CFAP61: variants seen among roughly 807,000 people sequenced by gnomAD.
CFAP61 encodes the protein cilia- and flagella-associated protein 61.
CFAP61 carries 107 observed loss-of-function variants against 135.6 expected under a neutral mutation model. The observed-to-expected ratio is 0.79, with a 90% CI of 0.67 to 0.93. CFAP61 has a LOEUF of 0.93. CFAP61 is among the 40% of genes least tolerant of loss of function. CFAP61 has a pLI of 0.00. For missense variants in CFAP61, 1,507 were observed against 1,556.2 expected (o/e 0.97, Z 0.53); for synonymous variants, 575 against 578.5 (o/e 0.99, Z 0.09).
intron 2 of CFAP61, among the ~76,000 whole-genome samples, chr20:20,059,264 G>T (rs2044611215): frequency 7.7e-6 from 1 of 129,436 alleles, no homozygotes; most frequent in African/African-American, 2.8e-5. Flanking sequence ...GGAGGCGGAG[G>T]TTGCAATGAG....
chr20:20,311,700 G>C (rs537114426), intron 25 of CFAP61, among the ~76,000 whole-genome samples: 1 of 152,176 alleles, frequency 6.6e-6, no homozygotes, highest in South Asian at 2.1e-4. Flanking sequence ...TGCACAGAGA[G>C]AGAAGCTTGG....
At chr20:20,323,167 GC>G in intron 25 of CFAP61, 3 of 985,430 alleles carry the variant, frequency 3.0e-6, no homozygotes, top group Non-Finnish European at 3.6e-6. Flanking sequence ...TCTAGTTTGA[GC>G]CAGTATACCT....
chr20:20,204,458 C>G (rs554913396), intron 17 of CFAP61, among the ~76,000 whole-genome samples: 1 of 152,152 alleles, frequency 6.6e-6, no homozygotes, highest in Non-Finnish European at 1.5e-5. Flanking sequence ...ATTCAGTTAC[C>G]CTTTGAATTG....
chr20:20,070,224 C>G (rs1389883622), intron 2 of CFAP61, among the ~76,000 whole-genome samples: 1 of 152,204 alleles, frequency 6.6e-6, no homozygotes, highest in Non-Finnish European at 1.5e-5. Flanking sequence ...AGCAAGACCC[C>G]TGGGAGTCCC....
intron 8 of CFAP61, among the ~76,000 whole-genome samples, chr20:20,121,080 T>A (rs1239032697): frequency 1.3e-5 from 2 of 151,648 alleles, no homozygotes; most frequent in African/African-American, 4.8e-5. Flanking sequence ...ATCTATTCAT[T>A]TGCTCTATGT....
chr20:20,305,218 A>T (rs2056399612), intron 25 of CFAP61, among the ~76,000 whole-genome samples: 1 of 152,064 alleles, frequency 6.6e-6, no homozygotes, highest in South Asian at 2.1e-4. Context: ...AGCCCTTTAC[A>T]AGGCTGCCAT....
intron 26 of CFAP61, among the ~76,000 whole-genome samples, chr20:20,352,100 C>T (rs548378304): frequency 3.9e-5 from 6 of 152,314 alleles, no homozygotes; most frequent in African/African-American, 1.2e-4. Context: ...GTTTAATTGA[C>T]TCACAGTTCC....
At chr20:20,333,341 A>T (rs2058066541) in intron 25 of CFAP61, among the ~76,000 whole-genome samples, 1 of 152,198 alleles carries the variant, frequency 6.6e-6, no homozygotes, top group East Asian at 1.9e-4. Flanking sequence ...TACAGCTAAG[A>T]AGACTGAGAC....
At chr20:20,323,165 G>A (rs943349575) in intron 25 of CFAP61, 1 of 985,332 alleles carries the variant, frequency 1.0e-6, no homozygotes, top group Non-Finnish European at 1.2e-6. Context: ...ATTCTAGTTT[G>A]AGCCAGTATA....
In CFAP61 at chr20:20,098,602, T is replaced by G. The variant is rs1393935184; in HGVS notation, c.700-53T>G. On this transcript the variant is annotated intron_variant, in intron 7 of 26. Transcript: ENST00000245957. ...CAGCCTGGGTGACAGAGCGAGACTTTGTCTCAAAAAAAAAAAAAAAAAAAG... is the reference window on the plus strand; with the variant it reads ...CAGCCTGGGTGACAGAGCGAGACTTGGTCTCAAAAAAAAAAAAAAAAAAAG... 4.9e-6 allele frequency: 5 copies of G among 1,021,580 alleles called. No individual in the cohort carries two copies. The East Asian group carries it at 9.4e-5, about 19-fold the overall frequency. 63.3% of individuals were successfully genotyped at this position (1,021,580 alleles called of 1,614,324 possible).
At chr20:20,231,067 A>G (rs1056046307) in intron 18 of CFAP61, among the ~76,000 whole-genome samples, 4 of 152,222 alleles carry the variant, frequency 2.6e-5, no homozygotes, top group African/African-American at 4.8e-5. Context: ...AGGACACCAA[A>G]AGCAGTTTGT....
chr20:20,265,043 G>A (rs1701695855), intron 21 of CFAP61, among the ~76,000 whole-genome samples: 1 of 152,178 alleles, frequency 6.6e-6, no homozygotes, highest in South Asian at 2.1e-4. Flanking sequence ...AACCAGACAT[G>A]AGCTGTAGTT....
At chr20:20,264,717 C>T (rs1013967176) in intron 21 of CFAP61, among the ~76,000 whole-genome samples, 1 of 152,024 alleles carries the variant, frequency 6.6e-6, no homozygotes, top group Non-Finnish European at 1.5e-5. Flanking sequence ...CACGGGAAAA[C>T]CCCACCTCTA....
At position 20,288,734 on chromosome 20, in the gene CFAP61, C is replaced by T. The variant is rs1301711884; in HGVS notation, c.2922C>T (p.Ile974=). The T allele has an allele frequency of 3.7e-6, 6 of 1,614,140 alleles. No individual in the cohort carries two copies. The highest frequency in any genetic ancestry group is 4.2e-6 in the Non-Finnish European group (5 of 1,179,990). The change falls in exon 23 of 27, where the codon ATC becomes ATT. Residue 974 remains isoleucine, a synonymous_variant. Transcript: ENST00000245957. ...ACTTCCACACCAACGACATAGCCAT[C>T]AGAGCTGCTGGCTCCCTCACCAAAT... The part of the protein sequence containing the change: ...DTNFHTNDIA[I]RAAGSLTKFS...
At chr20:20,132,597 G>A (rs563211921) in intron 8 of CFAP61, among the ~76,000 whole-genome samples, 2 of 152,088 alleles carry the variant, frequency 1.3e-5, no homozygotes, top group African/African-American at 2.4e-5. Flanking sequence ...TGAGAGGTGT[G>A]TTAAAATCTC....
At chr20:20,113,681 A>C (rs536308882) in intron 8 of CFAP61, among the ~76,000 whole-genome samples, 29 of 152,348 alleles carry the variant, frequency 1.9e-4, no homozygotes, top group Non-Finnish European at 3.5e-4. Context: ...TATAGAAATC[A>C]CATTTTATTT....
chr20:20,286,344 T>C (rs1027438877), intron 22 of CFAP61, among the ~76,000 whole-genome samples: 1 of 152,250 alleles, frequency 6.6e-6, no homozygotes, highest in Non-Finnish European at 1.5e-5. Context: ...CAAGGCAGAC[T>C]TTCCCATCTT....
At chr20:20,084,897 C>T (rs2046688050) in intron 6 of CFAP61, among the ~76,000 whole-genome samples, 1 of 152,178 alleles carries the variant, frequency 6.6e-6, no homozygotes, top group Non-Finnish European at 1.5e-5. Flanking sequence ...TTTTCAGAGT[C>T]TGATGGAAAT....
intron 20 of CFAP61, 92 bp from the exon 21 acceptor site, chr20:20,262,864 C>A: frequency 1.0e-5 from 6 of 576,530 alleles, no homozygotes; most frequent in Non-Finnish European, 1.7e-5. Context: ...AAAAGACATA[C>A]TGAATATTGC....
Sources: gnomAD v4.1 joint callset for allele counts (sites outside exome capture counted in the v4.1 genomes callset) on GRCh38, gnomAD v4.1.1 for gene constraint, MANE v1.5 for transcripts, NCBI Gene and HGNC (gene_info 2026-07-23, HGNC 2026-07-21) for gene names.